BICC1: variants seen among roughly 807,000 people sequenced by gnomAD.
The protein encoded by BICC1 is BicC family RNA binding protein 1, also known as protein bicaudal C homolog 1.
In BICC1, 43 loss-of-function variants were observed where a neutral mutation model predicts 111.0. The observed-to-expected ratio is 0.39, with a 90% CI of 0.30 to 0.50. The LOEUF (loss-of-function observed/expected upper bound fraction) is 0.50, where lower values mean the gene tolerates loss of function less well. Ranked by LOEUF, BICC1 falls within the 20% of genes least tolerant of loss-of-function variation. BICC1 has a pLI of 0.88. For missense variants in BICC1, 1,091 were observed against 1,203.2 expected (o/e 0.91, Z 1.38); for synonymous variants, 467 against 434.4 (o/e 1.07, Z -0.93).
chr10:58,535,918 A>T (rs908250702), intron 1 of BICC1, among the ~76,000 whole-genome samples: 1 of 151,514 alleles, frequency 6.6e-6, no homozygotes, highest in African/African-American at 2.4e-5. Context: ...AGCAAGCAGG[A>T]GGAACTATTC....
At chr10:58,798,880 C>T (rs988251413) in intron 11 of BICC1, among the ~76,000 whole-genome samples, 176 bp from the exon 12 acceptor site, 1 of 151,938 alleles carries the variant, frequency 6.6e-6, no homozygotes, top group African/African-American at 2.4e-5. Flanking sequence ...TGATATTGTC[C>T]GATTTTAACA....
intron 3 of BICC1, among the ~76,000 whole-genome samples, chr10:58,713,873 C>CT (rs896389528): frequency 6.6e-6 from 1 of 152,002 alleles, no homozygotes; most frequent in Non-Finnish European, 1.5e-5. Context: ...TCCTTTTCTC[C>CT]TTTTTTGAGA....
At chr10:58,513,855 C>A (rs1589051066) in intron 1 of BICC1, among the ~76,000 whole-genome samples, 1 of 152,220 alleles carries the variant, frequency 6.6e-6, no homozygotes, top group Non-Finnish European at 1.5e-5. Context: ...CTCCCGCCCC[C>A]ACCCCTGTGG....
At position 58,513,140 on chromosome 10, in the gene BICC1, C is replaced by T; in HGVS notation, c.-4C>T. 6.7e-7 allele frequency: 1 copy of T among 1,500,962 alleles called. No individual in the cohort carries two copies. Among genetic ancestry groups the T allele is most frequent in the Non-Finnish European group, 8.9e-7 (1 of 1,127,230 alleles). The allele number at this position is 1,500,962 out of a possible 1,614,324, so 93.0% of individuals were successfully genotyped here. A position where few individuals can be genotyped will look rare whatever the true frequency, so the allele number is the denominator to read the frequency against. On this transcript the variant is annotated 5_prime_UTR_variant, in exon 1 of 21. Coordinates refer to ENST00000373886, the MANE Select transcript of BICC1 (RefSeq NM_001080512.3). ...AGCGGGAGCCCGAGCGCTGCGCGCC[C>T]ACCATGGCCGCCCAGGGAGAGCCCG... is the stretch of plus-strand genomic sequence containing the variant.
At chr10:58,731,961 C>G (rs1379504462) in intron 3 of BICC1, among the ~76,000 whole-genome samples, 1 of 152,168 alleles carries the variant, frequency 6.6e-6, no homozygotes, top group Non-Finnish European at 1.5e-5. Flanking sequence ...GGCTATTTCT[C>G]TTTCTTATCA....
chr10:58,817,165 A>T (rs531950179), intron 18 of BICC1, among the ~76,000 whole-genome samples: 180 of 152,200 alleles, frequency 1.2e-3, no homozygotes, highest in Non-Finnish European at 2.3e-3. Context: ...CATCCAACGG[A>T]GCCTGGACTT....
intron 17 of BICC1, among the ~76,000 whole-genome samples, chr10:58,810,603 G>C (rs1271561191): frequency 6.6e-6 from 1 of 152,064 alleles, no homozygotes. Flanking sequence ...AGCAGTGGCT[G>C]TGTATGTCTT....
rs747958524 is a variant in BICC1 at position 58,828,758 on chromosome 10, T to C, written c.2795-3T>C. On this transcript the variant is annotated splice_polypyrimidine_tract_variant and splice_region_variant and intron_variant, in intron 20 of 20. Coordinates refer to ENST00000373886, the MANE Select transcript of BICC1 (RefSeq NM_001080512.3). ...CCTAACAATTCTCTCTTTCTCTCTC[T>C]AGAACTAAATAAAAACCGAAGAAAG... 6 of 1,613,208 alleles carry C rather than the reference T, an allele frequency of 3.7e-6. No homozygotes were observed. Among genetic ancestry groups the C allele is most frequent in the Non-Finnish European group, 4.2e-6 (5 of 1,179,464 alleles).
At chr10:58,595,210 T>G (rs1475743240) in intron 1 of BICC1, among the ~76,000 whole-genome samples, 1 of 152,176 alleles carries the variant, frequency 6.6e-6, no homozygotes, top group East Asian at 1.9e-4. Context: ...CCCAGATTCA[T>G]AAAGCAAGTT....
intron 1 of BICC1, among the ~76,000 whole-genome samples, chr10:58,530,789 C>T (rs566471418): frequency 6.6e-6 from 1 of 150,862 alleles, no homozygotes; most frequent in South Asian, 2.1e-4. Context: ...ACTGTAAATT[C>T]TTCATGTAGA....
intron 3 of BICC1, among the ~76,000 whole-genome samples, chr10:58,753,447 G>A (rs1842047106): frequency 1.3e-5 from 2 of 152,118 alleles, no homozygotes; most frequent in South Asian, 4.1e-4. Context: ...GGGATTACAG[G>A]TATAAGCCAC....
chr10:58,763,537 C>T (rs920725329), intron 3 of BICC1, among the ~76,000 whole-genome samples: 11 of 152,134 alleles, frequency 7.2e-5, no homozygotes, highest in African/African-American at 2.7e-4. Flanking sequence ...GCCTCACTGA[C>T]CATTAGAATT....
At chr10:58,725,919 A>G (rs997359866) in intron 3 of BICC1, among the ~76,000 whole-genome samples, 1 of 152,230 alleles carries the variant, frequency 6.6e-6, no homozygotes, top group African/African-American at 2.4e-5. Flanking sequence ...TTTGTGGGGA[A>G]TGGTTGCACA....
intron 9 of BICC1, among the ~76,000 whole-genome samples, chr10:58,794,558 A>G (rs1392834930): frequency 6.6e-6 from 1 of 151,914 alleles, no homozygotes; most frequent in Non-Finnish European, 1.5e-5. Context: ...AGCTGGGACC[A>G]CAGGCATGTG....
At chr10:58,614,060 T>C (rs1247453715) in intron 1 of BICC1, among the ~76,000 whole-genome samples, 1 of 152,212 alleles carries the variant, frequency 6.6e-6, no homozygotes, top group Non-Finnish European at 1.5e-5. Context: ...CTCTCACTTC[T>C]TGGAAAGACT....
chr10:58,644,039 T>C (rs1838196392), intron 2 of BICC1, among the ~76,000 whole-genome samples: 1 of 152,212 alleles, frequency 6.6e-6, no homozygotes, highest in Non-Finnish European at 1.5e-5. Context: ...TTAGAAATTT[T>C]TTTGGAATAT....
chr10:58,732,149 GAATCTTCCTTCTGCTTGAAC>G, intron 3 of BICC1, among the ~76,000 whole-genome samples: 1 of 151,586 alleles, frequency 6.6e-6, no homozygotes, highest in Non-Finnish European at 1.5e-5. Flanking sequence ...AGAGGTGTGT[GAATCTTCCTTCTGCTTGAAC>G]ATTTAGAAGC....
intron 1 of BICC1, among the ~76,000 whole-genome samples, chr10:58,535,684 GTATC>G (rs1472973725): frequency 6.6e-6 from 1 of 151,494 alleles, no homozygotes; most frequent in Admixed American, 6.6e-5. Flanking sequence ...AGAAAAGAAA[GTATC>G]TAGGTAACAA....
intron 11 of BICC1, 119 bp downstream of exon 11, chr10:58,798,679 A>G (rs1269659852): frequency 4.4e-6 from 4 of 908,872 alleles, no homozygotes; most frequent in African/African-American, 1.7e-5. Flanking sequence ...AGCATACTCC[A>G]TTGAAACAGA....
Sources: gnomAD v4.1 joint callset for allele counts (sites outside exome capture counted in the v4.1 genomes callset) on GRCh38, gnomAD v4.1.1 for gene constraint, MANE v1.5 for transcripts, NCBI Gene and HGNC (gene_info 2026-07-23, HGNC 2026-07-21) for gene names.